Variants in LPIN2 observed in about 807,000 individuals in gnomAD.
LPIN2 encodes phosphatidate phosphatase LPIN2.
A neutral mutation model predicts 111.4 loss-of-function variants in LPIN2; 55 were observed. That is an observed-to-expected ratio of 0.49 (90% confidence interval 0.40 to 0.62). The LOEUF is 0.62. Among genes scored for constraint, LPIN2 ranks in the 20% least tolerant of loss-of-function variants. The probability of loss-of-function intolerance (pLI) is 0.00; values close to 1 mark genes in which losing one functional copy is unlikely to be tolerated. For missense variants in LPIN2, 992 were observed against 1,112.1 expected, an observed-to-expected ratio of 0.89 and a Z score of 1.54; for synonymous variants, 425 against 414.0, an observed-to-expected ratio of 1.03 and a Z score of -0.32.
At chr18:2,975,026 C>T (rs1216372318) in intron 1 of LPIN2, among the ~76,000 whole-genome samples, 1 of 152,130 alleles carries the variant, frequency 6.6e-6, no homozygotes, top group Non-Finnish European at 1.5e-5. Flanking sequence ...TTGTTTAAAC[C>T]CCAAATGCCA....
chr18:2,973,079 T>C (rs1397283779), intron 1 of LPIN2, among the ~76,000 whole-genome samples: 1 of 152,260 alleles, frequency 6.6e-6, no homozygotes, highest in East Asian at 1.9e-4. Flanking sequence ...CTTTGTGTAA[T>C]GGTTATACCT....
chr18:2,991,105 T>A lies in LPIN2; in HGVS notation c.-10+21982A>T, dbSNP rs1377604481. On this transcript the variant is annotated intron_variant, in intron 1 of 19. Coordinates refer to ENST00000677752, the MANE Select transcript of LPIN2 (RefSeq NM_001375808.2). ...AAAGGATAGAGGGGAGGCCTCCCTA[T>A]ATCAGTTTTATATTGCTTGCTCTGC... The A allele has an allele frequency of 1.8e-5, 9 of 490,092 alleles. No individual in the cohort carries two copies. The East Asian group carries it at 3.9e-4, about 21-fold the overall frequency. The allele number at this position is 490,092 out of a possible 1,614,324, so 30.4% of individuals were successfully genotyped here. A position where few individuals can be genotyped will look rare whatever the true frequency, so the allele number is the denominator to read the frequency against.
At chr18:2,961,823 C>G (rs1458578519) in intron 1 of LPIN2, among the ~76,000 whole-genome samples, 6 of 152,174 alleles carry the variant, frequency 3.9e-5, no homozygotes, top group African/African-American at 7.2e-5. Context: ...ACTGGAATGA[C>G]AGAGAGTAAC....
At chr18:2,936,257 G>A (rs1360063976) in intron 7 of LPIN2, among the ~76,000 whole-genome samples, 1 of 152,054 alleles carries the variant, frequency 6.6e-6, no homozygotes, top group Admixed American at 6.6e-5. Context: ...ATATGATGTT[G>A]GGTAATTTTA....
rs1333808105 is a variant in LPIN2, at chr18:2,940,651, C to T, written c.652G>A (p.Gly218Arg). Residue 218 changes from glycine to arginine, a missense_variant, in exon 5 of 20, where the codon GGG becomes AGG. By Grantham distance (125) the Gly-to-Arg change is moderately radical. Around this residue, in one of 4 missense-constraint regions of LPIN2, gnomAD observed 709 missense variants for 753.2 expected, o/e 0.94. Coordinates refer to ENST00000677752, the MANE Select transcript of LPIN2 (RefSeq NM_001375808.2). ...CCATCAGATAAGGGGTAATGATCCC[C>T]AGAATGGAAGAGCAAAGGCTCTTTA... ...ECKEPLLFHS[G>R]DHYPLSDGDW... is the part of the protein sequence containing the mutation. The T allele has an allele frequency of 6.2e-7, 1 of 1,613,434 alleles. No individual in the cohort carries two copies. Among genetic ancestry groups the T allele is most frequent in the Non-Finnish European group, 8.5e-7 (1 of 1,179,570 alleles).
At chr18:3,000,942 G>A (rs778139919) in intron 1 of LPIN2, among the ~76,000 whole-genome samples, 16 of 140,258 alleles carry the variant, frequency 1.1e-4, no homozygotes, top group Admixed American at 6.5e-4. Flanking sequence ...AAATGGGTAG[G>A]GGGGAAAGGA....
intron 1 of LPIN2, among the ~76,000 whole-genome samples, chr18:2,998,674 T>C (rs2078381744): frequency 2.3e-5 from 2 of 86,182 alleles, no homozygotes; most frequent in African/African-American, 7.1e-5. Flanking sequence ...AACAGGAAAA[T>C]ACATGACAGA....
intron 1 of LPIN2, among the ~76,000 whole-genome samples, chr18:2,998,640 A>T (rs1160900939): frequency 6.6e-6 from 1 of 152,086 alleles, no homozygotes; most frequent in Non-Finnish European, 1.5e-5. Context: ...ACTTTTAAGG[A>T]AAGAAAAGCG....
chr18:2,956,311 G>GGTGTGT (rs55844718), intron 2 of LPIN2, among the ~76,000 whole-genome samples: 3,730 of 143,974 alleles, frequency 0.026, 174 homozygotes, highest in African/African-American at 0.058. Flanking sequence ...TAGATGCAGG[G>GGTGTGT]GTGTGTGTGT....
chr18:2,942,288 G>C (rs2144217951), intron 4 of LPIN2, among the ~76,000 whole-genome samples: 1 of 152,146 alleles, frequency 6.6e-6, no homozygotes, highest in African/African-American at 2.4e-5. Context: ...AAGACATCTA[G>C]GAAAAAGTAC....
At chr18:2,956,328 G>A (rs1202063547) in intron 2 of LPIN2, among the ~76,000 whole-genome samples, 1 of 148,820 alleles carries the variant, frequency 6.7e-6, no homozygotes, top group Non-Finnish European at 1.5e-5. Flanking sequence ...GTGTGTGTGT[G>A]TGTGTGTGTG....
At chr18:2,946,543 T>TC (rs761963280) in intron 4 of LPIN2, 2 of 1,494,744 alleles carry the variant, frequency 1.3e-6, no homozygotes, top group African/African-American at 1.4e-5. Flanking sequence ...CCATTTTTTT[T>TC]CCCACTGTCA....
chr18:2,977,956 G>GC (rs1159826974), intron 1 of LPIN2, among the ~76,000 whole-genome samples: 1 of 152,186 alleles, frequency 6.6e-6, no homozygotes, highest in Non-Finnish European at 1.5e-5. Flanking sequence ...ACTTTGGGAG[G>GC]CCAAGGAAGG....
chr18:2,981,199 T>G (rs2078105245), intron 1 of LPIN2, among the ~76,000 whole-genome samples: 1 of 152,032 alleles, frequency 6.6e-6, no homozygotes, highest in Admixed American at 6.5e-5. Context: ...TTGTAAGGAG[T>G]GTTCAGGTCA....
At chr18:2,935,028 T>C (rs565431141) in intron 7 of LPIN2, among the ~76,000 whole-genome samples, 11 of 152,272 alleles carry the variant, frequency 7.2e-5, no homozygotes, top group Admixed American at 2.0e-4. Context: ...AATAAACTAA[T>C]CTTCAATTCA....
chr18:3,006,794 G>A (rs1402194855), intron 1 of LPIN2, among the ~76,000 whole-genome samples: 1 of 151,082 alleles, frequency 6.6e-6, no homozygotes, highest in East Asian at 2.0e-4. Context: ...CAGAGATCGC[G>A]CCGCTGCACT....
At chr18:2,920,721 TC>T in intron 19 of LPIN2, 56 bp downstream of exon 19, 1 of 1,295,734 alleles carries the variant, frequency 7.7e-7, no homozygotes, top group Non-Finnish European at 1.1e-6. Context: ...GGTCTGTCTG[TC>T]CCCAACTGTA....
chr18:2,926,732 G>T lies in LPIN2; in HGVS notation c.1784C>A (p.Ala595Asp), dbSNP rs1332392823. ...AGGACAGGGCACCCACCTGGCACCG[G>T]CCGGCTCCTTGGAGCTGGATGGCAG... ...SDLPSSSKEP[A>D]GARPAENDSS... Residue 595 changes from alanine (A) to aspartate (D), a missense_variant, in exon 13 of 20, where the codon GCC becomes GAC. Coordinates refer to ENST00000677752, the MANE Select transcript of LPIN2 (RefSeq NM_001375808.2). The T allele has an allele frequency of 4.3e-6, 7 of 1,612,568 alleles. No homozygotes were observed. Among genetic ancestry groups the T allele is most frequent in the Non-Finnish European group, 5.1e-6 (6 of 1,179,948 alleles).
At chr18:2,955,036 C>G (rs1598564349) in intron 2 of LPIN2, among the ~76,000 whole-genome samples, 1 of 152,224 alleles carries the variant, frequency 6.6e-6, no homozygotes, top group Admixed American at 6.5e-5. Context: ...CTTCTGCCCA[C>G]AGATCACTAC....
Sources: gnomAD v4.1 joint callset for allele counts (sites outside exome capture counted in the v4.1 genomes callset) on GRCh38, gnomAD v4.1.1 for gene constraint, gnomAD v4.1.1 regional missense constraint, MANE v1.5 for transcripts, NCBI Gene and HGNC (gene_info 2026-07-23, HGNC 2026-07-21) for gene names.